The following NPLOC4 variants were observed in gnomAD, a reference collection of about 807,000 sequenced individuals.
The protein encoded by NPLOC4 is nuclear protein localization protein 4 homolog.
A neutral mutation model predicts 80.6 loss-of-function variants in NPLOC4; 18 were observed. That is an observed-to-expected ratio of 0.22 (90% CI 0.15 to 0.33). The LOEUF is 0.33. NPLOC4 is among the 10% of genes least tolerant of loss of function. The probability of loss-of-function intolerance (pLI) is 1.00; values close to 1 mark genes in which losing one functional copy is unlikely to be tolerated. For missense variants in NPLOC4, 540 were observed against 786.1 expected, an observed-to-expected ratio of 0.69 and a Z score of 3.74; for synonymous variants, 313 against 301.5, an observed-to-expected ratio of 1.04 and a Z score of -0.39.
chr17:81,559,540 G>A (rs1248585351), intron 16 of NPLOC4, 124 bp from the exon 17 acceptor site: 24 of 1,122,184 alleles, frequency 2.1e-5, no homozygotes, highest in Non-Finnish European at 3.0e-5. Context: ...ACCCAGTGCT[G>A]GTCCTGCCCA....
chr17:81,616,619 A>G (rs563924026), intron 3 of NPLOC4, among the ~76,000 whole-genome samples: 1 of 151,468 alleles, frequency 6.6e-6, no homozygotes, highest in African/African-American at 2.4e-5. Context: ...AGTCCCAGCT[A>G]CTCGGGAGGC....
At chr17:81,582,351 T>C (rs1424398908) in intron 12 of NPLOC4, among the ~76,000 whole-genome samples, 1 of 152,226 alleles carries the variant, frequency 6.6e-6, no homozygotes, top group Non-Finnish European at 1.5e-5. Context: ...AGTTTCACCT[T>C]CAGTGGGAAG....
chr17:81,636,947 T>G lies in NPLOC4; in HGVS notation c.-17A>C, dbSNP rs1447470266. On this transcript the variant is annotated 5_prime_UTR_variant, in exon 1 of 17. Coordinates refer to ENST00000331134, the MANE Select transcript of NPLOC4 (RefSeq NM_017921.4). ...CTCGGCCATGGCGGCTGCTCCTGCC[T>G]CCGGGCTCGAGCCCCGGGCCGCCGC... 3.0e-6 allele frequency: 4 copies of G among 1,333,354 alleles called. No individual in the cohort carries two copies. Among genetic ancestry groups the G allele is most frequent in the Non-Finnish European group, 3.9e-6 (4 of 1,037,576 alleles). The allele number at this position is 1,333,354 out of a possible 1,614,324, so 82.6% of individuals were successfully genotyped here.
At chr17:81,626,888 G>A (rs1404094139) in intron 2 of NPLOC4, among the ~76,000 whole-genome samples, 2 of 150,678 alleles carry the variant, frequency 1.3e-5, no homozygotes, top group Admixed American at 6.7e-5. Flanking sequence ...TCAGGAATTC[G>A]AGACCAGACT....
chr17:81,578,970 G>T (rs1326722795), intron 12 of NPLOC4, among the ~76,000 whole-genome samples: 1 of 152,180 alleles, frequency 6.6e-6, no homozygotes, highest in African/African-American at 2.4e-5. Context: ...GCCCAGGCAG[G>T]AGTGTAGTGG....
In NPLOC4 at chr17:81,629,799, G is replaced by C. The variant is rs1192281457; in HGVS notation, c.22C>G (p.Arg8Gly). 6.2e-7 allele frequency: 1 copy of C among 1,612,330 alleles called. No homozygotes were observed. Among genetic ancestry groups the C allele is most frequent in the Admixed American group, 1.7e-5 (1 of 60,008 alleles). ...TTCACTCCATCCGGGGACTGGACAC[G>C]AATTATCTGTTGCAAACAAAACATG... is the stretch of plus-strand genomic sequence containing the variant. MAESIII[R>G]VQSPDGVKRI... is the part of the protein sequence containing the mutation. Residue 8 changes from arginine (R) to glycine (G), a missense_variant, in exon 2 of 17, where the codon CGT (arginine) becomes GGT (glycine). Physicochemically the swap from Arg to Gly is moderately radical, Grantham distance 125. Transcript: ENST00000331134.
intron 7 of NPLOC4, among the ~76,000 whole-genome samples, chr17:81,605,238 G>A (rs1248929645): frequency 5.4e-5 from 8 of 149,356 alleles, no homozygotes; most frequent in Non-Finnish European, 1.2e-4. Flanking sequence ...CTGAGATGGC[G>A]CCACTGCACT....
chr17:81,585,062 C>T (rs180689820), intron 12 of NPLOC4, among the ~76,000 whole-genome samples: 68 of 142,824 alleles, frequency 4.8e-4, no homozygotes, highest in African/African-American at 1.7e-3. Flanking sequence ...CCTGGCTACT[C>T]GGGAGGCTGA....
At chr17:81,569,132 C>T in intron 13 of NPLOC4, 21 bp from the exon 14 acceptor site, 2 of 1,539,172 alleles carry the variant, frequency 1.3e-6, no homozygotes, top group African/African-American at 1.4e-5. Context: ...AAAACACAAA[C>T]CCATGATAAA....
At chr17:81,628,491 C>T (rs1350036351) in intron 2 of NPLOC4, among the ~76,000 whole-genome samples, 1 of 151,894 alleles carries the variant, frequency 6.6e-6, no homozygotes, top group Non-Finnish European at 1.5e-5. Flanking sequence ...CCAGCCTGGG[C>T]AACAGAGTGA....
At chr17:81,615,288 C>T (rs546335361) in intron 3 of NPLOC4, among the ~76,000 whole-genome samples, 3 of 151,812 alleles carry the variant, frequency 2.0e-5, no homozygotes, top group Admixed American at 6.6e-5. Context: ...TTAATAGAGA[C>T]GGGGTTTCTC....
At chr17:81,565,986 G>T (rs1242260369) in intron 15 of NPLOC4, among the ~76,000 whole-genome samples, 6 of 152,016 alleles carry the variant, frequency 3.9e-5, no homozygotes, top group South Asian at 4.2e-4. Context: ...TTCTCCTCTC[G>T]TGTCTGGAAA....
intron 1 of NPLOC4, among the ~76,000 whole-genome samples, chr17:81,633,148 A>G (rs2035976781): frequency 6.6e-6 from 1 of 151,864 alleles, no homozygotes; most frequent in Non-Finnish European, 1.5e-5. Context: ...AAAAAAAGAA[A>G]AGAAATACAA....
chr17:81,610,334 G>C (rs929530257), intron 4 of NPLOC4, 76 bp from the exon 5 acceptor site: 2 of 1,339,864 alleles, frequency 1.5e-6, no homozygotes, highest in African/African-American at 2.9e-5. Flanking sequence ...TCACATGCAC[G>C]TCCTACTTTA....
intron 3 of NPLOC4, among the ~76,000 whole-genome samples, chr17:81,618,325 G>T (rs1174265599): frequency 2.0e-5 from 3 of 151,396 alleles, no homozygotes; most frequent in African/African-American, 7.3e-5. Context: ...TCTGGGATGT[G>T]AGGAGCGCCT....
At chr17:81,571,064 T>C (rs2034148984) in intron 13 of NPLOC4, among the ~76,000 whole-genome samples, 1 of 152,044 alleles carries the variant, frequency 6.6e-6, no homozygotes, top group Admixed American at 6.6e-5. Flanking sequence ...ACACCCTAGG[T>C]AGTCTAAAAA....
At chr17:81,596,513 C>A (rs2034912088) in intron 10 of NPLOC4, among the ~76,000 whole-genome samples, 1 of 152,114 alleles carries the variant, frequency 6.6e-6, no homozygotes, top group Non-Finnish European at 1.5e-5. Context: ...CTGTAGTGAG[C>A]CGAGATTGTG....
chr17:81,585,101 C>A (rs1199164097), intron 12 of NPLOC4, among the ~76,000 whole-genome samples: 1 of 121,418 alleles, frequency 8.2e-6, no homozygotes, highest in Admixed American at 1.1e-4. Context: ...ACCCGGGAGG[C>A]GGAGGTTGCA....
intron 3 of NPLOC4, among the ~76,000 whole-genome samples, chr17:81,619,697 G>C (rs906947196): frequency 1.3e-5 from 2 of 151,828 alleles, no homozygotes; most frequent in African/African-American, 4.8e-5. Context: ...TGGCCAACAC[G>C]GTGAAACCCT....
Sources: allele counts gnomAD v4.1 joint callset (sites outside exome capture counted in the v4.1 genomes callset), GRCh38; gene constraint gnomAD v4.1.1; transcripts MANE v1.5; gene names NCBI Gene and HGNC (gene_info 2026-07-23, HGNC 2026-07-21).